The following SAFB variants were observed in gnomAD, a reference collection of about 807,000 sequenced individuals.
The protein encoded by SAFB is scaffold attachment factor B1.
SAFB carries 15 observed loss-of-function variants against 101.6 expected under a neutral mutation model. The ratio of observed to expected loss-of-function variants is 0.15; its 90% CI spans 0.10 to 0.23. SAFB has a LOEUF of 0.23. Among genes scored for constraint, SAFB ranks in the 10% least tolerant of loss-of-function variants. The pLI is 1.00. For synonymous variants in SAFB, 449 were observed against 407.5 expected (o/e 1.10, Z -1.23); for missense variants, 930 against 1,104.1 (o/e 0.84, Z 2.23).
At chr19:5,651,848 T>G (rs183930080) in intron 9 of SAFB, among the ~76,000 whole-genome samples, 1 of 152,158 alleles carries the variant, frequency 6.6e-6, no homozygotes. Context: ...TTCAACACAT[T>G]GCAATATAGA....
chr19:5,653,206 A>C lies in SAFB; in HGVS notation c.1385A>C (p.Lys462Thr), dbSNP rs1406568392. 1.2e-6 allele frequency: 2 copies of C among 1,614,002 alleles called. No homozygotes were observed. The highest frequency in any genetic ancestry group is 2.7e-5 in the African/African-American group (2 of 74,892). Residue 462 changes from lysine (K) to threonine (T), a missense_variant, in exon 10 of 21, where the codon AAA (lysine) becomes ACA (threonine). Lys to Thr is a moderately conservative substitution (Grantham distance 78). Coordinates refer to ENST00000588852, the MANE Select transcript of SAFB (RefSeq NM_001201338.2). ...ATGTCCACAGCAGAAGAGGCCACAAAATGCATTAACCACCTGCACAAGACG... is the reference window on the plus strand; with the variant it reads ...ATGTCCACAGCAGAAGAGGCCACAACATGCATTAACCACCTGCACAAGACG... Reference protein sequence around the residue: ...VTMSTAEEATKCINHLHKTEL... With the variant: ...VTMSTAEEATTCINHLHKTEL...
intron 14 of SAFB, among the ~76,000 whole-genome samples, chr19:5,660,724 A>G (rs938442247): frequency 2.6e-3 from 383 of 149,468 alleles, no homozygotes; most frequent in Non-Finnish European, 3.5e-3. Flanking sequence ...AAAAAAAAAA[A>G]AAAAGACAGC....
At chr19:5,664,219 A>G in intron 16 of SAFB, 60 bp downstream of exon 16, 1 of 1,577,756 alleles carries the variant, frequency 6.3e-7, no homozygotes, top group Non-Finnish European at 8.7e-7. Context: ...TCTGACTGAG[A>G]ACAAGGACTC....
At chr19:5,624,085 G>A (rs1259558930) in intron 1 of SAFB, 1 of 152,022 alleles carries the variant, frequency 6.6e-6, no homozygotes, top group East Asian at 1.9e-4. Context: ...ACCAGCCTCA[G>A]AACTGCCCGG....
chr19:5,654,527 G>A, intron 13 of SAFB, 71 bp downstream of exon 13: 1 of 898,660 alleles, frequency 1.1e-6, no homozygotes, highest in Non-Finnish European at 1.9e-6. Flanking sequence ...GCGTCTTAGG[G>A]AATTACTAAG....
At chr19:5,623,476 C>A (rs2053241478) in intron 1 of SAFB, 82 bp downstream of exon 1, 1 of 1,217,696 alleles carries the variant, frequency 8.2e-7, no homozygotes, top group Non-Finnish European at 1.1e-6. Flanking sequence ...GCCCTGGCGT[C>A]CGCCCCCGGC....
chr19:5,658,204 G>A (rs1427331297), intron 14 of SAFB, among the ~76,000 whole-genome samples: 1 of 151,970 alleles, frequency 6.6e-6, no homozygotes, highest in East Asian at 2.0e-4. Context: ...GGCCATGTTG[G>A]CCAGGCTGGT....
chr19:5,667,185 A>G lies in SAFB; in HGVS notation c.2453+21A>G. On this transcript the variant is annotated intron_variant, in intron 18 of 20. Coordinates refer to ENST00000588852, the MANE Select transcript of SAFB (RefSeq NM_001201338.2). The surrounding 1 kb of genome is among the most constrained non-coding windows in gnomAD (Gnocchi z 4.0). Reference sequence around the variant, plus strand: ...CCCAGGTTTGTGTCCCACACCCGACAGTACCTGACCCCCCCCCCGCCCACA... The same window carrying G: ...CCCAGGTTTGTGTCCCACACCCGACGGTACCTGACCCCCCCCCCGCCCACA... 1.4e-6 allele frequency: 2 copies of G among 1,414,998 alleles called. No individual in the cohort carries two copies. The highest frequency in any genetic ancestry group is 2.0e-6 in the Non-Finnish European group (2 of 1,016,638). The allele number at this position is 1,414,998 out of a possible 1,614,324, so 87.7% of individuals were successfully genotyped here.
At chr19:5,658,674 TCTA>T (rs1324775385) in intron 14 of SAFB, among the ~76,000 whole-genome samples, 1 of 150,662 alleles carries the variant, frequency 6.6e-6, no homozygotes, top group Non-Finnish European at 1.5e-5. Flanking sequence ...AAACCCTGTC[TCTA>T]CTAAAAATAC....
chr19:5,628,442 C>T (rs901365047), intron 2 of SAFB, among the ~76,000 whole-genome samples: 6 of 152,150 alleles, frequency 3.9e-5, no homozygotes, highest in Non-Finnish European at 8.8e-5. Flanking sequence ...GTTTCTTATA[C>T]ACCTGAAGAT....
Position 5,623,357 on chromosome 19 carries a change from G to A in SAFB, c.152G>A (p.Ser51Asn). ...AELRKRNVDS[S>N]GNKSVLMERL... Reference sequence around the variant, plus strand: ...CTGAGGAAACGGAATGTGGACTCGAGCGGCAACAAGAGCGTTTTGATGGAG... The same window carrying A: ...CTGAGGAAACGGAATGTGGACTCGAACGGCAACAAGAGCGTTTTGATGGAG... Residue 51 changes from serine to asparagine, a missense_variant, in exon 1 of 21, where the codon AGC becomes AAC. This residue lies in a region of SAFB where 119 missense variants were observed against 171.4 expected (regional missense o/e 0.69). Transcript: ENST00000588852. 1 of 1,614,006 alleles carries A rather than the reference G, an allele frequency of 6.2e-7. No homozygotes were observed. Among genetic ancestry groups the A allele is most frequent in the South Asian group, 1.1e-5 (1 of 91,080 alleles).
chr19:5,626,109 A>G (rs2053352933), intron 1 of SAFB, among the ~76,000 whole-genome samples: 2 of 152,156 alleles, frequency 1.3e-5, no homozygotes, highest in Non-Finnish European at 2.9e-5. Flanking sequence ...AGTCCTCACA[A>G]CAGCCTTCCA....
intron 1 of SAFB, chr19:5,624,162 C>T (rs1424302022): frequency 6.6e-6 from 1 of 151,568 alleles, no homozygotes; most frequent in African/African-American, 2.4e-5. Flanking sequence ...CCTGCCAGCT[C>T]TCGGTGGCCT....
Position 5,623,237 on chromosome 19 carries a change from C to T in SAFB, c.32C>T (p.Ser11Phe). The T allele has an allele frequency of 1.2e-6, 2 of 1,606,682 alleles. No individual in the cohort carries two copies. The highest frequency in any genetic ancestry group is 1.7e-6 in the Non-Finnish European group (2 of 1,176,734). Residue 11 changes from serine (S) to phenylalanine (F), a missense_variant, in exon 1 of 21, where the codon TCT becomes TTT. By Grantham distance (155) the Ser-to-Phe change is radical. Around this residue, in one of 7 missense-constraint regions of SAFB, gnomAD observed 44 missense variants for 35.8 expected, o/e 1.23. Coordinates refer to ENST00000588852, the MANE Select transcript of SAFB (RefSeq NM_001201338.2). ...GAGACTCTGTCAGGCCTAGGTGATTCTGGAGCGGCGGGCGCGGCGGCTCTG... is the reference window on the plus strand; with the variant it reads ...GAGACTCTGTCAGGCCTAGGTGATTTTGGAGCGGCGGGCGCGGCGGCTCTG... MAETLSGLGD[S>F]GAAGAAALSS...
intron 2 of SAFB, among the ~76,000 whole-genome samples, chr19:5,628,995 A>G (rs189523712): frequency 6.6e-6 from 1 of 152,220 alleles, no homozygotes; most frequent in Admixed American, 6.5e-5. Flanking sequence ...GTAGTCGCGC[A>G]GTCATAGTTC....
intron 2 of SAFB, among the ~76,000 whole-genome samples, chr19:5,637,343 CAAAAAAAAA>C (rs553264134): frequency 1.5e-5 from 1 of 67,266 alleles, no homozygotes; most frequent in Non-Finnish European, 3.1e-5. Flanking sequence ...GACTCCATCT[CAAAAAAAAA>C]AAAAAAAAAT....
intron 9 of SAFB, 150 bp downstream of exon 9, chr19:5,651,222 T>G: frequency 7.2e-6 from 4 of 552,322 alleles, no homozygotes; most frequent in Non-Finnish European, 9.7e-6. Context: ...CGTCCACAGG[T>G]AGAGGTGAGA....
chr19:5,626,039 G>A (rs1027941795), intron 1 of SAFB, among the ~76,000 whole-genome samples: 10 of 152,152 alleles, frequency 6.6e-5, no homozygotes, highest in Non-Finnish European at 1.0e-4. Context: ...CTGGGCTTAG[G>A]AAGGAGATGA....
chr19:5,640,406 G>T (rs2145425881), intron 2 of SAFB, among the ~76,000 whole-genome samples: 1 of 111,754 alleles, frequency 8.9e-6, no homozygotes, highest in African/African-American at 3.6e-5. Flanking sequence ...TCGCTCTGTT[G>T]CCAGACTGGA....
Sources: allele counts gnomAD v4.1 joint callset (sites outside exome capture counted in the v4.1 genomes callset), GRCh38; gene constraint gnomAD v4.1.1; regional missense constraint gnomAD v4.1.1; non-coding constraint Gnocchi (gnomAD v3.1); transcripts MANE v1.5; gene names NCBI Gene and HGNC (gene_info 2026-07-23, HGNC 2026-07-21).